The following MEP1B variants were observed in gnomAD, a reference collection of about 807,000 sequenced individuals.
MEP1B encodes the protein N-benzoyl-L-tyrosyl-P-amino-benzoic acid hydrolase subunit beta.
In MEP1B, 80 loss-of-function variants were observed where a neutral mutation model predicts 84.6. The ratio of observed to expected loss-of-function variants is 0.95; its 90% CI spans 0.79 to 1.14. MEP1B has a LOEUF of 1.14. MEP1B is among the 50% of genes most tolerant of loss of function. The pLI is 0.00. For synonymous variants in MEP1B, 273 were observed against 288.1 expected, an observed-to-expected ratio of 0.95 and a Z score of 0.53; for missense variants, 766 against 855.1, an observed-to-expected ratio of 0.90 and a Z score of 1.30.
chr18:32,217,042 T>C lies in MEP1B; in HGVS notation c.1811T>C (p.Val604Ala), dbSNP rs1170227280. 1 of 1,613,974 alleles carries C rather than the reference T, an allele frequency of 6.2e-7. No homozygotes were observed. Among genetic ancestry groups the C allele is most frequent in the South Asian group, 1.1e-5 (1 of 91,078 alleles). ...TQIQLTPAPSVQDLCSKTTCK... is the reference protein window; with the variant it reads ...TQIQLTPAPSAQDLCSKTTCK... ...ATCCAGCTAACACCAGCCCCTAGTG[T>C]TCAAGACCTCTGCTCAAAAACCACC... is the stretch of plus-strand genomic sequence containing the variant. Residue 604 changes from valine (V) to alanine (A), a missense_variant, in exon 13 of 15, where the codon GTT becomes GCT. By Grantham distance (64) the Val-to-Ala change is moderately conservative. Transcript: ENST00000269202.
intron 13 of MEP1B, 40 bp downstream of exon 13, chr18:32,217,157 A>C: frequency 6.2e-7 from 1 of 1,601,112 alleles, no homozygotes; most frequent in Non-Finnish European, 8.5e-7. Flanking sequence ...TTCTTTGGTT[A>C]GAAATTTTAT....
At chr18:32,202,562 A>T (rs564533965) in intron 5 of MEP1B, among the ~76,000 whole-genome samples, 1 of 152,206 alleles carries the variant, frequency 6.6e-6, no homozygotes, top group African/African-American at 2.4e-5. Flanking sequence ...TCTCAGATGA[A>T]GTACGTGATG....
intron 11 of MEP1B, among the ~76,000 whole-genome samples, 152 bp downstream of exon 11, chr18:32,213,711 T>C (rs577872713): frequency 8.5e-5 from 13 of 152,300 alleles, no homozygotes; most frequent in South Asian, 6.2e-4. Context: ...GTTTCAAGAA[T>C]TGTGGACTGA....
intron 8 of MEP1B, 81 bp from the exon 9 acceptor site, chr18:32,208,038 T>C (rs2040983684): frequency 2.0e-6 from 3 of 1,470,400 alleles, no homozygotes; most frequent in Non-Finnish European, 9.4e-7. Context: ...CTGGCATTTC[T>C]AATACTGTGA....
At position 32,210,461 on chromosome 18, in the gene MEP1B, C is replaced by T. The variant is rs141244639; in HGVS notation, c.920-40C>T. The T allele has an allele frequency of 2.5e-3, 3,855 of 1,534,300 alleles. 131 individuals are homozygous for T. In the Admixed American group the frequency reaches 0.061, roughly 24 times the overall value. On this transcript the variant is annotated intron_variant, in intron 9 of 14. Coordinates refer to ENST00000269202, the MANE Select transcript of MEP1B (RefSeq NM_005925.3). ...ATTAACAAACACACATTCCTATACC[C>T]AGTATCTGTTTTTCTCTCAATTCTG...
chr18:32,200,312 C>T (rs8098463), intron 5 of MEP1B, among the ~76,000 whole-genome samples: 20,512 of 151,932 alleles, frequency 0.14, 2,309 homozygotes, highest in African/African-American at 0.31. Flanking sequence ...ATCTTTTGTT[C>T]TAATTTTTTC....
chr18:32,201,440 T>C (rs941302614), intron 5 of MEP1B, among the ~76,000 whole-genome samples: 2 of 152,124 alleles, frequency 1.3e-5, no homozygotes, highest in African/African-American at 2.4e-5. Context: ...AGATTAAGTA[T>C]GTGGTGGCAA....
chr18:32,209,095 T>C (rs954153584), intron 9 of MEP1B, among the ~76,000 whole-genome samples: 2 of 152,202 alleles, frequency 1.3e-5, no homozygotes, highest in African/African-American at 4.8e-5. Flanking sequence ...TTCCCTAATG[T>C]TGTCTCTTTC....
chr18:32,198,315 C>A (rs769679379), intron 5 of MEP1B, among the ~76,000 whole-genome samples: 5 of 152,282 alleles, frequency 3.3e-5, no homozygotes, highest in Admixed American at 6.5e-5. Flanking sequence ...ATGAAGAATG[C>A]CATTAATGAT....
chr18:32,209,818 A>C (rs12953397), intron 9 of MEP1B, among the ~76,000 whole-genome samples: 1 of 150,436 alleles, frequency 6.6e-6, no homozygotes. Context: ...TAAAAAAAAA[A>C]GGGGGGCGGG....
rs149632466 is a variant in MEP1B, at chr18:32,220,136, C to T, written c.2092-95C>T. 1,764 of 1,202,272 alleles carry T rather than the reference C, an allele frequency of 1.5e-3. 3 individuals are homozygous for T. Among genetic ancestry groups the T allele is most frequent in the Non-Finnish European group, 1.9e-3 (1,557 of 834,914 alleles). 74.5% of individuals were successfully genotyped at this position (1,202,272 alleles called of 1,614,324 possible). On this transcript the variant is annotated intron_variant, in intron 14 of 14. Transcript: ENST00000269202. ...GAGGCCAGGAGACTGCTGATGGGGA[C>T]TTCATTTAAAGACCAGATCATTTTA... is the stretch of plus-strand genomic sequence containing the variant.
chr18:32,219,591 A>G (rs2041128527), intron 14 of MEP1B, among the ~76,000 whole-genome samples: 1 of 152,092 alleles, frequency 6.6e-6, no homozygotes, highest in Non-Finnish European at 1.5e-5. Context: ...AACTGGGTGG[A>G]TGGGATTGCC....
chr18:32,199,668 G>GTTCGTTCCTTCCTTCC (rs764626455), intron 5 of MEP1B, among the ~76,000 whole-genome samples: 4 of 126,848 alleles, frequency 3.2e-5, no homozygotes, highest in African/African-American at 3.3e-5. Flanking sequence ...CCTTTCGTTC[G>GTTCGTTCCTTCCTTCC]TTCCTTCCTT....
chr18:32,215,568 T>C (rs2041075240), intron 12 of MEP1B, among the ~76,000 whole-genome samples: 1 of 152,244 alleles, frequency 6.6e-6, no homozygotes, highest in South Asian at 2.1e-4. Context: ...CTCATGCCTG[T>C]AATCCCAGCG....
rs61742081 is a variant in MEP1B, at chr18:32,196,259, C to T, written c.250+774C>T. The T allele has an allele frequency of 1.5e-3, 1,055 of 706,074 alleles. 13 individuals are homozygous for T. The highest frequency in any genetic ancestry group is 0.015 in the African/African-American group (844 of 57,316). The allele number at this position is 706,074 out of a possible 1,614,324, so 43.7% of individuals were successfully genotyped here. A position where few individuals can be genotyped will look rare whatever the true frequency, so the allele number is the denominator to read the frequency against. ...TTGATGCCTTTGAACTGCTCCAAGA[C>T]GCTGGCCATGCTGGGGGCTGTGAAG... On this transcript the variant is annotated intron_variant, in intron 5 of 14. Coordinates refer to ENST00000269202, the MANE Select transcript of MEP1B (RefSeq NM_005925.3). This position sits in a 1 kb window ranked among gnomAD's most constrained non-coding sequence, Gnocchi z 4.4.
intron 6 of MEP1B, 182 bp downstream of exon 6, chr18:32,203,192 C>T (rs540834484): frequency 5.8e-6 from 3 of 513,414 alleles, no homozygotes; most frequent in South Asian, 3.0e-5. Flanking sequence ...TATTCCCATA[C>T]ATGTAACCGC....
In MEP1B at chr18:32,204,194, A is replaced by G; in HGVS notation, c.381A>G (p.Ser127=). 1 of 1,606,162 alleles carries G rather than the reference A, an allele frequency of 6.2e-7. No homozygotes were observed. The highest frequency in any genetic ancestry group is 8.5e-7 in the Non-Finnish European group (1 of 1,176,482). The change falls in exon 7 of 15, where the codon TCA becomes TCG. Residue 127 remains serine, a synonymous_variant. Transcript: ENST00000269202. ...ACTCTCCTGTAAGCTGCTGGTCTTC[A>G]GTAGGAAATAGGCGGGTTGGGAAGC... ...SVFKGSGCWS[S]VGNRRVGKQE...
At position 32,220,369 on chromosome 18, in the gene MEP1B, G is replaced by C. The variant is rs2041138918; in HGVS notation, c.*124G>C. 1.1e-6 allele frequency: 1 copy of C among 892,286 alleles called. No individual in the cohort carries two copies. The allele number at this position is 892,286 out of a possible 1,614,324, so 55.3% of individuals were successfully genotyped here. ...GTGGATATTTTTCTGTAAATAGCTG[G>C]AAATATTATAAATCACTATTTTGGT... On this transcript the variant is annotated 3_prime_UTR_variant, in exon 15 of 15. Transcript: ENST00000269202.
chr18:32,217,340 T>A (rs541936451), intron 13 of MEP1B, among the ~76,000 whole-genome samples: 2 of 152,280 alleles, frequency 1.3e-5, no homozygotes, highest in East Asian at 3.9e-4. Flanking sequence ...AATAGAACTC[T>A]ATATTCTAAT....
Sources: allele counts gnomAD v4.1 joint callset (sites outside exome capture counted in the v4.1 genomes callset), GRCh38; gene constraint gnomAD v4.1.1; non-coding constraint Gnocchi (gnomAD v3.1); transcripts MANE v1.5; gene names NCBI Gene and HGNC (gene_info 2026-07-23, HGNC 2026-07-21).